The following CSMD1 variants were observed in gnomAD, a reference collection of about 807,000 sequenced individuals.
The protein encoded by CSMD1 is CUB and sushi domain-containing protein 1.
A neutral mutation model predicts 417.5 loss-of-function variants in CSMD1; 213 were observed. The ratio of observed to expected loss-of-function variants is 0.51; its 90% CI spans 0.46 to 0.57. The LOEUF is 0.57. Among genes scored for constraint, CSMD1 ranks in the 20% least tolerant of loss-of-function variants. The pLI is 0.00. For synonymous variants in CSMD1, 2,862 were observed against 1,736.8 expected, an observed-to-expected ratio of 1.65 and a Z score of -16.11; for missense variants, 6,923 against 4,529.7, an observed-to-expected ratio of 1.53 and a Z score of -15.17.
intron 3 of CSMD1, among the ~76,000 whole-genome samples, chr8:4,055,326 T>G (rs1008021094): frequency 6.6e-6 from 1 of 152,148 alleles, no homozygotes; most frequent in Non-Finnish European, 1.5e-5. Context: ...CTCTAATAAA[T>G]TTTTATAGAT....
At chr8:3,893,013 G>C (rs1033748659) in intron 5 of CSMD1, among the ~76,000 whole-genome samples, 2 of 151,728 alleles carry the variant, frequency 1.3e-5, no homozygotes, top group African/African-American at 4.8e-5. Context: ...TTTTCACACT[G>C]AAAATAACTT....
At chr8:3,244,476 C>G (rs182748653) in intron 26 of CSMD1, among the ~76,000 whole-genome samples, 1 of 152,242 alleles carries the variant, frequency 6.6e-6, no homozygotes, top group African/African-American at 2.4e-5. Context: ...AGCAGTCTTT[C>G]CAGGAAGAAA....
chr8:3,556,896 A>G (rs1471763815), intron 10 of CSMD1, among the ~76,000 whole-genome samples: 2 of 152,116 alleles, frequency 1.3e-5, no homozygotes, highest in Admixed American at 6.6e-5. Flanking sequence ...GAAAGCCACA[A>G]AAACAATCAT....
At chr8:4,343,764 A>T (rs1800621244) in intron 3 of CSMD1, among the ~76,000 whole-genome samples, 1 of 152,042 alleles carries the variant, frequency 6.6e-6, no homozygotes, top group South Asian at 2.1e-4. Context: ...ACTGGGGCTC[A>T]TCTTTCTCAT....
intron 1 of CSMD1, among the ~76,000 whole-genome samples, chr8:4,874,485 G>A (rs1034656231): frequency 1.3e-5 from 2 of 149,464 alleles, no homozygotes; most frequent in African/African-American, 2.5e-5. Flanking sequence ...TGCCTCCCAG[G>A]TTCAAGCAGT....
At chr8:4,492,845 C>G (rs1801776344) in intron 2 of CSMD1, among the ~76,000 whole-genome samples, 1 of 152,180 alleles carries the variant, frequency 6.6e-6, no homozygotes, top group African/African-American at 2.4e-5. Flanking sequence ...CTCATGCATA[C>G]TTTGTTATAC....
At chr8:4,802,389 AG>A (rs1798348906) in intron 1 of CSMD1, among the ~76,000 whole-genome samples, 1 of 151,790 alleles carries the variant, frequency 6.6e-6, no homozygotes, top group African/African-American at 2.4e-5. Flanking sequence ...AGGGATAGTG[AG>A]AAGCATCCCC....
At chr8:4,179,736 AAAAC>A (rs952893544) in intron 3 of CSMD1, among the ~76,000 whole-genome samples, 55 of 75,856 alleles carry the variant, frequency 7.3e-4, no homozygotes, top group African/African-American at 3.0e-3. Flanking sequence ...TTACAAGAAA[AAAAC>A]AAACAACCCC....
chr8:4,741,739 G>A (rs983670872), intron 1 of CSMD1, among the ~76,000 whole-genome samples: 1 of 152,100 alleles, frequency 6.6e-6, no homozygotes, highest in Non-Finnish European at 1.5e-5. Flanking sequence ...TAGCTTGTTA[G>A]AAGTGGAGAG....
intron 3 of CSMD1, among the ~76,000 whole-genome samples, chr8:4,244,881 C>T (rs1469659366): frequency 6.6e-6 from 1 of 152,108 alleles, no homozygotes; most frequent in African/African-American, 2.4e-5. Flanking sequence ...ATATTAAACT[C>T]CTGATAGATA....
chr8:3,060,900 C>G (rs892720982), intron 49 of CSMD1, among the ~76,000 whole-genome samples: 1 of 152,080 alleles, frequency 6.6e-6, no homozygotes, highest in African/African-American at 2.4e-5. Flanking sequence ...TTCCTCTCTC[C>G]GGAGGAGAGA....
chr8:4,475,646 G>A (rs557567019), intron 2 of CSMD1, among the ~76,000 whole-genome samples: 29 of 151,076 alleles, frequency 1.9e-4, no homozygotes, highest in Middle Eastern at 3.4e-3. Flanking sequence ...AGACGGAGTC[G>A]CCCTTTGTCA....
intron 4 of CSMD1, among the ~76,000 whole-genome samples, chr8:4,019,339 G>C (rs1352563149): frequency 6.6e-6 from 1 of 152,160 alleles, no homozygotes; most frequent in Non-Finnish European, 1.5e-5. Flanking sequence ...TGCTTATCTG[G>C]GAGGGAGAGT....
At position 3,770,120 on chromosome 8, in the gene CSMD1, T is replaced by C. The variant is rs73658245; in HGVS notation, c.819-16078A>G. 7.0e-3 allele frequency among the ~76,000 whole-genome samples: 1,069 copies of C among 152,330 alleles called. 11 individuals are homozygous for C. Among genetic ancestry groups the C allele is most frequent in the African/African-American group, 0.024 (993 of 41,572 alleles). On this transcript the variant is annotated intron_variant, in intron 5 of 69. Transcript: ENST00000635120. ...TCCATCAGAGCGATTGGCACAGCTG[T>C]CTCCAGCAGGAGACTAAAGGCTACC...
At chr8:3,858,466 C>G (rs993726548) in intron 5 of CSMD1, among the ~76,000 whole-genome samples, 2 of 152,138 alleles carry the variant, frequency 1.3e-5, no homozygotes, top group African/African-American at 4.8e-5. Context: ...AACTACTACT[C>G]TATCTTTAGA....
At chr8:3,852,283 A>T (rs1803964449) in intron 5 of CSMD1, among the ~76,000 whole-genome samples, 2 of 152,104 alleles carry the variant, frequency 1.3e-5, no homozygotes, top group South Asian at 2.1e-4. Context: ...GGATGCAGCG[A>T]ACTCCTGCCC....
At chr8:3,436,337 G>A (rs117712096) in intron 12 of CSMD1, among the ~76,000 whole-genome samples, 2 of 152,298 alleles carry the variant, frequency 1.3e-5, no homozygotes, top group East Asian at 3.9e-4. Flanking sequence ...GAAGCCATGA[G>A]ACAGGTTATA....
At chr8:4,682,046 T>C (rs1051182562) in intron 1 of CSMD1, among the ~76,000 whole-genome samples, 1 of 152,134 alleles carries the variant, frequency 6.6e-6, no homozygotes, top group East Asian at 1.9e-4. Flanking sequence ...TGAGACAGGG[T>C]CTCACTCTGT....
intron 3 of CSMD1, among the ~76,000 whole-genome samples, chr8:4,285,137 G>A (rs909836858): frequency 1.3e-5 from 2 of 152,196 alleles, no homozygotes; most frequent in Non-Finnish European, 2.9e-5. Context: ...TTAACTTACA[G>A]ATATTTTGGT....
Sources: allele counts gnomAD v4.1 joint callset (sites outside exome capture counted in the v4.1 genomes callset), GRCh38; gene constraint gnomAD v4.1.1; transcripts MANE v1.5; gene names NCBI Gene and HGNC (gene_info 2026-07-23, HGNC 2026-07-21).